The following GALNTL6 variants were observed in gnomAD, a reference collection of about 807,000 sequenced individuals.
The protein encoded by GALNTL6 is polypeptide N-acetylgalactosaminyltransferase like 6.
A neutral mutation model predicts 73.7 loss-of-function variants in GALNTL6; 46 were observed. The ratio of observed to expected loss-of-function variants is 0.62; its 90% CI spans 0.49 to 0.80. GALNTL6 has a LOEUF of 0.80. Among genes scored for constraint, GALNTL6 ranks in the 30% least tolerant of loss-of-function variants. GALNTL6 has a pLI of 0.00. For missense variants in GALNTL6, 604 were observed against 755.0 expected (o/e 0.80, Z 2.34); for synonymous variants, 259 against 263.7 (o/e 0.98, Z 0.17).
chr4:172,294,433 A>T (rs1039734847), intron 3 of GALNTL6, among the ~76,000 whole-genome samples: 7 of 152,178 alleles, frequency 4.6e-5, no homozygotes, highest in Non-Finnish European at 1.0e-4. Flanking sequence ...ATGCTAGCAG[A>T]CCAAGTGAGA....
At chr4:172,546,607 C>T (rs889730707) in intron 5 of GALNTL6, among the ~76,000 whole-genome samples, 9 of 151,174 alleles carry the variant, frequency 6.0e-5, no homozygotes, top group African/African-American at 2.2e-4. Context: ...GGACTGTCTT[C>T]TAGGAGTAGA....
intron 2 of GALNTL6, among the ~76,000 whole-genome samples, chr4:171,928,642 A>G (rs563205261): frequency 6.6e-6 from 1 of 152,364 alleles, no homozygotes; most frequent in East Asian, 1.9e-4. Flanking sequence ...TCAATGACAG[A>G]CCACATATGC....
chr4:171,853,964 T>C (rs758498199), intron 2 of GALNTL6, among the ~76,000 whole-genome samples: 2 of 152,100 alleles, frequency 1.3e-5, no homozygotes, highest in Non-Finnish European at 2.9e-5. Flanking sequence ...CCCTTTCACA[T>C]AGAGGCCTTA....
intron 5 of GALNTL6, among the ~76,000 whole-genome samples, chr4:172,607,797 G>A (rs1408473290): frequency 2.6e-5 from 4 of 152,002 alleles, no homozygotes; most frequent in Non-Finnish European, 5.9e-5. Context: ...TCTAACTGGT[G>A]TGAGATGGTA....
At chr4:172,065,358 T>C (rs1731327343) in intron 2 of GALNTL6, among the ~76,000 whole-genome samples, 2 of 152,156 alleles carry the variant, frequency 1.3e-5, no homozygotes, top group Non-Finnish European at 2.9e-5. Flanking sequence ...TCTTGCCCAC[T>C]ACTCACCTTC....
At chr4:172,890,785 A>G (rs192892555) in intron 8 of GALNTL6, among the ~76,000 whole-genome samples, 42 of 152,234 alleles carry the variant, frequency 2.8e-4, no homozygotes, top group Non-Finnish European at 5.0e-4. Flanking sequence ...AACACTGCCC[A>G]TGGGGTTTTG....
chr4:171,976,546 G>A (rs1161584818), intron 2 of GALNTL6, among the ~76,000 whole-genome samples: 3 of 152,182 alleles, frequency 2.0e-5, no homozygotes, highest in Admixed American at 1.3e-4. Flanking sequence ...CTAATGAGCT[G>A]AGAGATATTG....
At chr4:172,086,461 G>C (rs944375871) in intron 2 of GALNTL6, among the ~76,000 whole-genome samples, 1 of 151,890 alleles carries the variant, frequency 6.6e-6, no homozygotes, top group Non-Finnish European at 1.5e-5. Context: ...CTTTAAACTT[G>C]ATTTTAAAGC....
intron 5 of GALNTL6, among the ~76,000 whole-genome samples, chr4:172,626,292 A>G (rs1270952406): frequency 6.6e-6 from 1 of 151,938 alleles, no homozygotes; most frequent in African/African-American, 2.4e-5. Context: ...CCACTTGCTT[A>G]TTTTTGTAGA....
chr4:172,458,038 A>G (rs1732463789), intron 5 of GALNTL6, among the ~76,000 whole-genome samples: 4 of 152,164 alleles, frequency 2.6e-5, no homozygotes, highest in Admixed American at 6.5e-5. Context: ...CCACAGTGCA[A>G]TCAAATTAGA....
intron 2 of GALNTL6, among the ~76,000 whole-genome samples, chr4:172,067,911 A>G (rs947748815): frequency 3.6e-5 from 4 of 110,256 alleles, no homozygotes; most frequent in African/African-American, 1.4e-4. Context: ...GTCACCAGTC[A>G]TGCTTGTTCA....
chr4:172,741,339 C>T (rs986552204), intron 5 of GALNTL6, among the ~76,000 whole-genome samples: 2 of 151,958 alleles, frequency 1.3e-5, no homozygotes, highest in Admixed American at 6.6e-5. Context: ...TTGTCATTGC[C>T]GGGACAATCT....
At chr4:172,335,314 T>G (rs951593192) in intron 4 of GALNTL6, among the ~76,000 whole-genome samples, 11 of 152,214 alleles carry the variant, frequency 7.2e-5, no homozygotes, top group African/African-American at 2.7e-4. Context: ...GTGAATTAAC[T>G]TTTTGATGTA....
At chr4:172,538,506 A>G (rs925261882) in intron 5 of GALNTL6, among the ~76,000 whole-genome samples, 4 of 152,034 alleles carry the variant, frequency 2.6e-5, no homozygotes, top group African/African-American at 7.2e-5. Flanking sequence ...TCAAACCATA[A>G]TGAGAAGAGG....
intron 5 of GALNTL6, among the ~76,000 whole-genome samples, chr4:172,565,874 G>C (rs137900915): frequency 3.2e-4 from 48 of 152,194 alleles, no homozygotes; most frequent in African/African-American, 1.1e-3. Flanking sequence ...CATCTAGAGA[G>C]CAAGAGTGAT....
At chr4:172,775,536 T>C (rs752139595) in intron 5 of GALNTL6, among the ~76,000 whole-genome samples, 2 of 152,198 alleles carry the variant, frequency 1.3e-5, no homozygotes, top group Non-Finnish European at 2.9e-5. Flanking sequence ...CCACATTAAG[T>C]TGACCCAGAG....
chr4:172,484,228 T>C (rs1733594920), intron 5 of GALNTL6, among the ~76,000 whole-genome samples: 1 of 152,216 alleles, frequency 6.6e-6, no homozygotes, highest in African/African-American at 2.4e-5. Flanking sequence ...ATACTCATAA[T>C]AGTCTGTATT....
At position 172,487,358 on chromosome 4, in the gene GALNTL6, C is replaced by CTTTCTTT. The variant is rs202020229; in HGVS notation, c.553+138669_553+138670insTTTCTTT. On this transcript the variant is annotated intron_variant, in intron 5 of 12. Coordinates refer to ENST00000506823, the MANE Select transcript of GALNTL6 (RefSeq NM_001034845.3). ...TCTTTCTTTCTTTCTTTCTTTCTTTCCTTCTTTCCTTCTTTTCTTTTCTTT... is the reference window on the plus strand; with the variant it reads ...TCTTTCTTTCTTTCTTTCTTTCTTTCTTTCTTTCTTCTTTCCTTCTTTTCTTTTCTTT... Among the ~76,000 whole-genome samples the CTTTCTTT allele has an allele frequency of 3.5e-4, 35 of 98,602 alleles. No individual in the cohort carries two copies. In the East Asian group the frequency reaches 7.0e-3, roughly 20 times the overall value. 64.7% of individuals were successfully genotyped at this position (98,602 alleles called of 152,430 possible).
chr4:172,020,865 G>C (rs1462196589), intron 2 of GALNTL6, among the ~76,000 whole-genome samples: 1 of 151,864 alleles, frequency 6.6e-6, no homozygotes, highest in Non-Finnish European at 1.5e-5. Context: ...GAAAACTATA[G>C]GCCAACACCC....
Sources: gnomAD v4.1 joint callset for allele counts (sites outside exome capture counted in the v4.1 genomes callset) on GRCh38, gnomAD v4.1.1 for gene constraint, MANE v1.5 for transcripts, NCBI Gene and HGNC (gene_info 2026-07-23, HGNC 2026-07-21) for gene names.